The following FGF14 variants were observed in gnomAD, a reference collection of about 807,000 sequenced individuals.
FGF14 encodes the protein fibroblast growth factor 14.
FGF14 carries 5 observed loss-of-function variants against 25.5 expected under a neutral mutation model. The observed-to-expected ratio is 0.20, with a 90% CI of 0.10 to 0.41. The LOEUF (loss-of-function observed/expected upper bound fraction) is 0.41. Among genes scored for constraint, FGF14 ranks in the 10% least tolerant of loss-of-function variants. The pLI is 1.00. For synonymous variants in FGF14, 138 were observed against 118.3 expected, an observed-to-expected ratio of 1.17 and a Z score of -1.08; for missense variants, 222 against 320.1, an observed-to-expected ratio of 0.69 and a Z score of 2.34.
intron 1 of FGF14, among the ~76,000 whole-genome samples, chr13:101,879,113 C>T (rs868456863): frequency 6.7e-4 from 102 of 152,240 alleles, no homozygotes; most frequent in African/African-American, 2.3e-3. Flanking sequence ...GTTCTTTATT[C>T]TCTTCTGAAA....
intron 1 of FGF14, among the ~76,000 whole-genome samples, chr13:102,149,052 C>A (rs9513988): frequency 0.14 from 21,335 of 152,002 alleles, 2,004 homozygotes; most frequent in Non-Finnish European, 0.21. Context: ...AGTAATAGCC[C>A]ACATTTATCT....
chr13:102,051,227 AGGCCC>A (rs1397031485), intron 1 of FGF14, among the ~76,000 whole-genome samples: 3 of 152,148 alleles, frequency 2.0e-5, no homozygotes. Context: ...ATAGAGAGCT[AGGCCC>A]CACCCCAACA....
intron 1 of FGF14, among the ~76,000 whole-genome samples, chr13:101,889,947 G>C (rs986454483): frequency 1.3e-5 from 2 of 152,024 alleles, no homozygotes; most frequent in Admixed American, 6.6e-5. Flanking sequence ...CTATATCAAG[G>C]CTTAGCTTAA....
At chr13:101,901,516 C>G (rs745898047) in intron 1 of FGF14, among the ~76,000 whole-genome samples, 1 of 152,174 alleles carries the variant, frequency 6.6e-6, no homozygotes, top group East Asian at 1.9e-4. Flanking sequence ...CCAGCCTGGA[C>G]AACATGGTGA....
chr13:101,902,650 C>G (rs992905085), intron 1 of FGF14, among the ~76,000 whole-genome samples: 1 of 152,166 alleles, frequency 6.6e-6, no homozygotes, highest in African/African-American at 2.4e-5. Flanking sequence ...TGCAGAATAA[C>G]TAACTTCCTG....
At chr13:102,073,712 ATC>A (rs892605701) in intron 1 of FGF14, among the ~76,000 whole-genome samples, 22 of 152,204 alleles carry the variant, frequency 1.4e-4, no homozygotes, top group African/African-American at 5.1e-4. Context: ...CAAATGGAAG[ATC>A]TCTCTGTCAT....
chr13:102,185,876 C>T (rs1354090732), intron 1 of FGF14, among the ~76,000 whole-genome samples: 1 of 152,126 alleles, frequency 6.6e-6, no homozygotes, highest in East Asian at 1.9e-4. Context: ...GTGACTGCGA[C>T]GTTGTGAAGT....
intron 1 of FGF14, among the ~76,000 whole-genome samples, chr13:102,006,492 G>A (rs947854427): frequency 2.0e-5 from 3 of 152,130 alleles, no homozygotes; most frequent in Non-Finnish European, 2.9e-5. Context: ...GTGAGACCCT[G>A]AAAGCAAACT....
chr13:101,813,271 C>T (rs1044537285), intron 3 of FGF14, among the ~76,000 whole-genome samples: 5 of 152,138 alleles, frequency 3.3e-5, no homozygotes, highest in African/African-American at 1.2e-4. Flanking sequence ...TCCAAAGTTC[C>T]CATGTTGAAA....
chr13:101,750,951 G>A (rs962783275), intron 3 of FGF14, among the ~76,000 whole-genome samples: 4 of 152,008 alleles, frequency 2.6e-5, no homozygotes, highest in South Asian at 2.1e-4. Context: ...TACACTATAC[G>A]ATTCCAACTA....
Position 101,916,637 on chromosome 13 carries a change from C to T in FGF14, c.9G>A (p.Ala3=), listed in dbSNP as rs2033530851. The T allele has an allele frequency of 3.2e-6, 5 of 1,567,800 alleles. No homozygotes were observed. The highest frequency in any genetic ancestry group is 4.7e-5 in the East Asian group (2 of 42,278). Residue 3 remains alanine (A), a synonymous_variant, in exon 1 of 5, where the codon GCG becomes GCA. Coordinates refer to ENST00000376143, the MANE Select transcript of FGF14 (RefSeq NM_004115.4). The part of the protein sequence containing the change: MA[A]AIASGLIRQK... ...GGCGGATCAAGCCGCTAGCGATGGCCGCGGCCATGGTGGCCCCGGGAACGG... is the reference window on the plus strand; with the variant it reads ...GGCGGATCAAGCCGCTAGCGATGGCTGCGGCCATGGTGGCCCCGGGAACGG...
At chr13:101,990,604 T>A (rs2038847541) in intron 1 of FGF14, among the ~76,000 whole-genome samples, 3 of 152,096 alleles carry the variant, frequency 2.0e-5, no homozygotes, top group African/African-American at 7.2e-5. Context: ...TTTAAAAAGA[T>A]GGCCATCTCT....
chr13:101,804,333 G>T (rs916598519), intron 3 of FGF14, among the ~76,000 whole-genome samples: 33 of 152,140 alleles, frequency 2.2e-4, no homozygotes, highest in African/African-American at 6.3e-4. Context: ...CTACAGCAAT[G>T]GTAATGAAGA....
chr13:101,954,450 C>T (rs112569507), intron 1 of FGF14, among the ~76,000 whole-genome samples: 2,173 of 152,276 alleles, frequency 0.014, 57 homozygotes, highest in African/African-American at 0.05. Flanking sequence ...TTTGAAGAAA[C>T]ACGTAAAAGC....
chr13:102,286,065 AAATAGGTCTCATTGTTCAC>A (rs553687222), intron 1 of FGF14, among the ~76,000 whole-genome samples: 5 of 152,188 alleles, frequency 3.3e-5, no homozygotes, highest in Non-Finnish European at 7.4e-5. Flanking sequence ...TCAGAGAGCA[AAATAGGTCTCATTGTTCAC>A]AACAGGCTCC....
intron 1 of FGF14, chr13:102,395,690 T>C (rs1169877469): frequency 1.3e-5 from 2 of 152,220 alleles, no homozygotes; most frequent in African/African-American, 4.8e-5. Flanking sequence ...TTTATTAAAG[T>C]GTATTGAAAA....
At chr13:102,239,304 A>G (rs2051476710) in intron 1 of FGF14, among the ~76,000 whole-genome samples, 1 of 152,202 alleles carries the variant, frequency 6.6e-6, no homozygotes, top group Admixed American at 6.5e-5. Context: ...TAGTGTACTT[A>G]TCAGACGAAC....
At chr13:102,256,182 A>G (rs2052427524) in intron 1 of FGF14, among the ~76,000 whole-genome samples, 2 of 152,040 alleles carry the variant, frequency 1.3e-5, no homozygotes, top group Non-Finnish European at 2.9e-5. Flanking sequence ...AAAGATTGAG[A>G]ACAGGTCACA....
intron 3 of FGF14, among the ~76,000 whole-genome samples, chr13:101,840,482 T>C (rs946907434): frequency 6.6e-6 from 1 of 151,648 alleles, no homozygotes; most frequent in African/African-American, 2.4e-5. Flanking sequence ...TAATTATTAA[T>C]ATATAATTTA....
Sources: gnomAD v4.1 joint callset for allele counts (sites outside exome capture counted in the v4.1 genomes callset) on GRCh38, gnomAD v4.1.1 for gene constraint, MANE v1.5 for transcripts, NCBI Gene and HGNC (gene_info 2026-07-23, HGNC 2026-07-21) for gene names.